The following CAMTA1 variants were observed in gnomAD, a reference collection of about 807,000 sequenced individuals.
The protein encoded by CAMTA1 is calmodulin-binding transcription activator 1.
A neutral mutation model predicts 170.9 loss-of-function variants in CAMTA1; 27 were observed. That is an observed-to-expected ratio of 0.16 (90% CI 0.12 to 0.22). The LOEUF is 0.22. CAMTA1 is among the 10% of genes least tolerant of loss of function. The pLI, the probability that CAMTA1 is intolerant of heterozygous loss-of-function variation, is 1.00. For missense variants in CAMTA1, 1,619 were observed against 2,217.2 expected (o/e 0.73, Z 5.42); for synonymous variants, 833 against 891.5 (o/e 0.93, Z 1.17).
chr1:7,253,189 T>C (rs1666878085), intron 5 of CAMTA1, among the ~76,000 whole-genome samples: 1 of 152,090 alleles, frequency 6.6e-6, no homozygotes, highest in African/African-American at 2.4e-5. Flanking sequence ...GCCAGCTTCT[T>C]TGGTGCCTGA....
chr1:7,647,817 C>T (rs1029567831), intron 7 of CAMTA1, among the ~76,000 whole-genome samples: 11 of 152,220 alleles, frequency 7.2e-5, no homozygotes, highest in African/African-American at 2.7e-4. Flanking sequence ...GACGTAGTGG[C>T]TTACGCCTGT....
chr1:7,413,042 G>A lies in CAMTA1; in HGVS notation c.439-54788G>A, dbSNP rs1329741597. On this transcript the variant is annotated intron_variant, in intron 5 of 22. Transcript: ENST00000303635. ...TTTCCCCATTGCTTGTTTTTCTCAG[G>A]TTTGTCAAAGATCAGATAGTTGTAG... is the stretch of plus-strand genomic sequence containing the variant. 2.7e-5 allele frequency among the ~76,000 whole-genome samples: 4 copies of A among 150,398 alleles called. 1 individual carries two copies. In the East Asian group the frequency reaches 7.8e-4, roughly 29 times the overall value.
At chr1:6,871,254 T>A (rs1468867448) in intron 3 of CAMTA1, among the ~76,000 whole-genome samples, 1 of 152,196 alleles carries the variant, frequency 6.6e-6, no homozygotes, top group Non-Finnish European at 1.5e-5. Flanking sequence ...TGAGACCACA[T>A]CTTAATAGAT....
intron 6 of CAMTA1, among the ~76,000 whole-genome samples, chr1:7,542,879 G>GTGTGTGTTTGTGTGTT (rs1459264062): frequency 7.2e-6 from 1 of 138,172 alleles, no homozygotes; most frequent in East Asian, 2.1e-4. Context: ...GTGTGTGTGT[G>GTGTGTGTTTGTGTGTT]TTTGAGCCGG....
At chr1:6,950,244 G>A (rs1308812216) in intron 3 of CAMTA1, among the ~76,000 whole-genome samples, 1 of 152,228 alleles carries the variant, frequency 6.6e-6, no homozygotes, top group Non-Finnish European at 1.5e-5. Flanking sequence ...TTTGCACACA[G>A]GCCTAATTAC....
At chr1:7,554,686 C>G (rs2094852327) in intron 6 of CAMTA1, among the ~76,000 whole-genome samples, 1 of 152,182 alleles carries the variant, frequency 6.6e-6, no homozygotes, top group Non-Finnish European at 1.5e-5. Flanking sequence ...GTCCCTCCCA[C>G]CCTCTCCTTA....
At chr1:6,847,111 C>G (rs572052372) in intron 3 of CAMTA1, among the ~76,000 whole-genome samples, 56 of 151,208 alleles carry the variant, frequency 3.7e-4, no homozygotes, top group Non-Finnish European at 7.5e-4. Context: ...TCAAGCTGTT[C>G]TTTTGCCTCA....
chr1:6,895,740 G>A (rs971633249), intron 3 of CAMTA1, among the ~76,000 whole-genome samples: 56 of 152,228 alleles, frequency 3.7e-4, no homozygotes, highest in African/African-American at 1.2e-3. Context: ...TGGCTCCTTT[G>A]TGTCATTCAG....
chr1:7,723,835 A>G (rs891101911), intron 11 of CAMTA1, among the ~76,000 whole-genome samples: 10 of 152,246 alleles, frequency 6.6e-5, no homozygotes, highest in African/African-American at 2.4e-4. Flanking sequence ...GTTTGGAGAT[A>G]GAGTTTCACT....
intron 3 of CAMTA1, among the ~76,000 whole-genome samples, chr1:6,882,172 T>C (rs922713870): frequency 6.6e-6 from 1 of 152,156 alleles, no homozygotes; most frequent in South Asian, 2.1e-4. Flanking sequence ...TTATATGAAA[T>C]TCAAATTTCA....
rs2096206243 is a variant in CAMTA1, at chr1:7,681,624, G to T, written c.2914+3891G>T. 6.6e-6 allele frequency among the ~76,000 whole-genome samples: 1 copy of T among 152,330 alleles called. No homozygotes were observed. The highest frequency in any genetic ancestry group is 6.5e-5 in the Admixed American group (1 of 15,312). ...CCTCTTCCAGGCTAGAGGTAGGCAG[G>T]CAATGGGGTTTACCCTGGAGACCCA... is the stretch of plus-strand genomic sequence containing the variant. On this transcript the variant is annotated intron_variant, in intron 11 of 22. Transcript: ENST00000303635. This position sits in a 1 kb window ranked among gnomAD's most constrained non-coding sequence, Gnocchi z 4.6.
At chr1:6,826,714 T>G (rs976944208) in intron 3 of CAMTA1, among the ~76,000 whole-genome samples, 6 of 152,216 alleles carry the variant, frequency 3.9e-5, no homozygotes, top group African/African-American at 1.4e-4. Flanking sequence ...ATTTATTTTA[T>G]TTTTTCCCAT....
intron 5 of CAMTA1, among the ~76,000 whole-genome samples, chr1:7,373,356 G>A (rs1168197808): frequency 6.6e-6 from 1 of 152,230 alleles, no homozygotes; most frequent in Non-Finnish European, 1.5e-5. Context: ...ATTCGCTGTG[G>A]ATTTCAGTTC....
At position 7,687,956 on chromosome 1, in the gene CAMTA1, G is replaced by A. The variant is rs1304302752; in HGVS notation, c.2914+10223G>A. 2.7e-5 allele frequency among the ~76,000 whole-genome samples: 4 copies of A among 148,146 alleles called. No individual in the cohort carries two copies. The South Asian group carries it at 6.5e-4, about 24-fold the overall frequency. ...CACCGGAAGCCTGCCTGGCAGGCCT[G>A]CTCAGGCAATTACGCCCCAGCTCCT... On this transcript the variant is annotated intron_variant, in intron 11 of 22. Transcript: ENST00000303635.
intron 5 of CAMTA1, among the ~76,000 whole-genome samples, chr1:7,349,054 C>T (rs1218021912): frequency 1.3e-5 from 2 of 152,164 alleles, no homozygotes; most frequent in Non-Finnish European, 2.9e-5. Flanking sequence ...GTAAGAGATT[C>T]CATCCCAGGG....
At chr1:7,461,127 G>C (rs577619834) in intron 5 of CAMTA1, among the ~76,000 whole-genome samples, 19 of 152,340 alleles carry the variant, frequency 1.2e-4, no homozygotes, top group African/African-American at 4.3e-4. Context: ...TTTTAGGGAA[G>C]AGAGGGGAGG....
intron 6 of CAMTA1, 52 bp from the exon 7 acceptor site, chr1:7,640,348 C>G (rs554426821): frequency 6.2e-7 from 1 of 1,605,738 alleles, no homozygotes; most frequent in South Asian, 1.1e-5. Flanking sequence ...CGGCCCTGAC[C>G]CTGGTGGGCT....
chr1:6,983,545 GT>G (rs1694789482), intron 3 of CAMTA1, among the ~76,000 whole-genome samples: 1 of 152,174 alleles, frequency 6.6e-6, no homozygotes. Context: ...ATATATTCAT[GT>G]TAATTTCTTT....
At chr1:7,310,027 A>G (rs1179836620) in intron 5 of CAMTA1, among the ~76,000 whole-genome samples, 1 of 152,138 alleles carries the variant, frequency 6.6e-6, no homozygotes, top group Non-Finnish European at 1.5e-5. Flanking sequence ...GATGTTCCAA[A>G]CTTACTTCTG....
Sources: gnomAD v4.1 joint callset for allele counts (sites outside exome capture counted in the v4.1 genomes callset) on GRCh38, gnomAD v4.1.1 for gene constraint, Gnocchi (gnomAD v3.1) non-coding constraint, MANE v1.5 for transcripts, NCBI Gene and HGNC (gene_info 2026-07-23, HGNC 2026-07-21) for gene names.